SIPA1L1: variants seen among roughly 807,000 people sequenced by gnomAD.
SIPA1L1 encodes signal induced proliferation associated 1 like 1, also known as signal-induced proliferation-associated 1-like protein 1.
SIPA1L1 carries 26 observed loss-of-function variants against 162.7 expected under a neutral mutation model. The observed-to-expected ratio is 0.16, with a 90% CI of 0.12 to 0.22. The LOEUF (loss-of-function observed/expected upper bound fraction) is 0.22. SIPA1L1 is among the 10% of genes least tolerant of loss of function. The probability of loss-of-function intolerance (pLI) is 1.00; values close to 1 mark genes in which losing one functional copy is unlikely to be tolerated. For missense variants in SIPA1L1, 1,874 were observed against 2,241.0 expected (o/e 0.84, Z 3.31); for synonymous variants, 829 against 837.4 (o/e 0.99, Z 0.17).
At chr14:71,578,229 G>A (rs1209985065) in intron 4 of SIPA1L1, among the ~76,000 whole-genome samples, 1 of 151,742 alleles carries the variant, frequency 6.6e-6, no homozygotes, top group African/African-American at 2.4e-5. Context: ...TTATTTTTTA[G>A]TAGAGACAAG....
intron 3 of SIPA1L1, among the ~76,000 whole-genome samples, chr14:71,521,064 T>G (rs1447820260): frequency 6.6e-6 from 1 of 152,168 alleles, no homozygotes; most frequent in Non-Finnish European, 1.5e-5. Flanking sequence ...TAGCTTTTCT[T>G]TCTGCTGTGG....
At chr14:71,659,616 A>C (rs1404033564) in intron 9 of SIPA1L1, among the ~76,000 whole-genome samples, 1 of 152,222 alleles carries the variant, frequency 6.6e-6, no homozygotes, top group Non-Finnish European at 1.5e-5. Flanking sequence ...AAAAAATTTA[A>C]GAACATTAAC....
At chr14:71,344,543 CTCTA>C (rs1282668146) in intron 2 of SIPA1L1, among the ~76,000 whole-genome samples, 9 of 151,408 alleles carry the variant, frequency 5.9e-5, no homozygotes, top group South Asian at 2.1e-4. Context: ...TTAAAAATTT[CTCTA>C]TCTGTCTGTC....
intron 2 of SIPA1L1, among the ~76,000 whole-genome samples, chr14:71,493,223 G>A (rs1444722895): frequency 6.6e-6 from 1 of 152,030 alleles, no homozygotes; most frequent in Non-Finnish European, 1.5e-5. Context: ...CTCCTGAGTA[G>A]CTAGGACTAC....
intron 8 of SIPA1L1, among the ~76,000 whole-genome samples, chr14:71,652,129 T>C (rs951937215): frequency 2.6e-5 from 4 of 152,176 alleles, no homozygotes; most frequent in African/African-American, 9.7e-5. Flanking sequence ...TAGGGAAGTA[T>C]TCCTACTCTG....
intron 2 of SIPA1L1, among the ~76,000 whole-genome samples, chr14:71,417,096 A>G (rs559229302): frequency 1.3e-5 from 2 of 152,242 alleles, no homozygotes; most frequent in African/African-American, 2.4e-5. Flanking sequence ...CTAGTAGCCT[A>G]CAGTTGACCA....
At chr14:71,501,584 C>T (rs1361141731) in intron 2 of SIPA1L1, among the ~76,000 whole-genome samples, 1 of 152,154 alleles carries the variant, frequency 6.6e-6, no homozygotes, top group South Asian at 2.1e-4. Flanking sequence ...TTACTGAGGA[C>T]TTATGAGGGT....
intron 12 of SIPA1L1, among the ~76,000 whole-genome samples, chr14:71,682,318 A>G (rs908209748): frequency 2.0e-5 from 3 of 152,256 alleles, no homozygotes; most frequent in African/African-American, 7.2e-5. Context: ...TCCTTTTATG[A>G]AAGTTTATGC....
intron 2 of SIPA1L1, among the ~76,000 whole-genome samples, chr14:71,399,717 T>C (rs2041510381): frequency 6.6e-6 from 1 of 151,040 alleles, no homozygotes; most frequent in Non-Finnish European, 1.5e-5. Context: ...CCTTTTATTA[T>C]TATTATTATT....
intron 12 of SIPA1L1, among the ~76,000 whole-genome samples, chr14:71,679,800 A>G (rs1053610078): frequency 1.3e-5 from 2 of 152,254 alleles, no homozygotes; most frequent in African/African-American, 4.8e-5. Flanking sequence ...CTGATAAAAC[A>G]GACTTTAAAC....
chr14:71,391,404 C>T (rs561162335), intron 2 of SIPA1L1, among the ~76,000 whole-genome samples: 64 of 152,226 alleles, frequency 4.2e-4, no homozygotes, highest in African/African-American at 1.5e-3. Flanking sequence ...CGCTCCCGGC[C>T]GCATTCAGTA....
chr14:71,590,779 T>C (rs1286806490), intron 5 of SIPA1L1, among the ~76,000 whole-genome samples: 1 of 152,206 alleles, frequency 6.6e-6, no homozygotes, highest in African/African-American at 2.4e-5. Context: ...TTCTCATTCT[T>C]GCCAACTTGG....
Position 71,685,533 on chromosome 14 carries a change from G to T in SIPA1L1, c.3276G>T (p.Arg1092=). The change falls in exon 13 of 24, where the codon CGG becomes CGT. Residue 1092 remains arginine, a synonymous_variant. Transcript: ENST00000381232. ...PSQVQSPMTS[R]LNAGKGDGKM... ...AGGTGCAGAGTCCCATGACCTCGCG[G>T]CTGAATGCTGGAAAAGGAGATGGGA... The T allele has an allele frequency of 1.2e-6, 2 of 1,614,186 alleles. No individual in the cohort carries two copies. Among genetic ancestry groups the T allele is most frequent in the Non-Finnish European group, 1.7e-6 (2 of 1,180,022 alleles).
chr14:71,477,745 C>T (rs2047997762), intron 2 of SIPA1L1, among the ~76,000 whole-genome samples: 1 of 151,480 alleles, frequency 6.6e-6, no homozygotes, highest in Non-Finnish European at 1.5e-5. Context: ...TTTATTTATC[C>T]AGTGTCCCAT....
chr14:71,666,260 G>A (rs2043994085), intron 10 of SIPA1L1, among the ~76,000 whole-genome samples: 1 of 152,176 alleles, frequency 6.6e-6, no homozygotes, highest in Admixed American at 6.5e-5. Flanking sequence ...AGAGGAACAT[G>A]TTTGTAGTTG....
intron 5 of SIPA1L1, 100 bp from the exon 6 acceptor site, chr14:71,618,657 A>G: frequency 9.4e-7 from 1 of 1,062,786 alleles, no homozygotes; most frequent in Non-Finnish European, 1.4e-6. Context: ...CATTTTATTG[A>G]TAAAATTTCT....
chr14:71,733,362 A>G (rs531662688), intron 20 of SIPA1L1, among the ~76,000 whole-genome samples: 1 of 152,346 alleles, frequency 6.6e-6, no homozygotes, highest in South Asian at 2.1e-4. Context: ...AGTGCTGCCT[A>G]GGCCCTGCTG....
chr14:71,591,275 A>G (rs533345201), intron 5 of SIPA1L1, among the ~76,000 whole-genome samples: 1 of 149,958 alleles, frequency 6.7e-6, no homozygotes, highest in African/African-American at 2.5e-5. Flanking sequence ...GGTAGGTACT[A>G]TTGTTAACCT....
intron 2 of SIPA1L1, among the ~76,000 whole-genome samples, chr14:71,474,568 A>G (rs2047705569): frequency 1.3e-5 from 2 of 152,244 alleles, no homozygotes; most frequent in South Asian, 4.1e-4. Flanking sequence ...TCTTGTGCCA[A>G]AATTATAGAA....
Sources: allele counts gnomAD v4.1 joint callset (sites outside exome capture counted in the v4.1 genomes callset), GRCh38; gene constraint gnomAD v4.1.1; transcripts MANE v1.5; gene names NCBI Gene and HGNC (gene_info 2026-07-23, HGNC 2026-07-21).